Variants in FRMPD4 observed in about 807,000 individuals in gnomAD.
FRMPD4 encodes the protein FERM and PDZ domain containing 4, also known as FERM and PDZ domain-containing protein 4.
FRMPD4 carries 22 observed loss-of-function variants against 94.1 expected under a neutral mutation model. The observed-to-expected ratio is 0.23, with a 90% CI of 0.17 to 0.33. The LOEUF (loss-of-function observed/expected upper bound fraction) is 0.33, where lower values mean the gene tolerates loss of function less well. Among genes scored for constraint, FRMPD4 ranks in the 10% least tolerant of loss-of-function variants. The pLI, the probability that FRMPD4 is intolerant of heterozygous loss-of-function variation, is 1.00. For synonymous variants in FRMPD4, 631 were observed against 548.6 expected (o/e 1.15, Z -2.10); for missense variants, 1,111 against 1,339.9 (o/e 0.83, Z 2.67).
intron 3 of FRMPD4, among the ~76,000 whole-genome samples, chrX:12,020,648 A>G (rs2054627618): frequency 8.9e-6 from 1 of 112,376 alleles, no homozygotes; most frequent in Non-Finnish European, 1.9e-5. Flanking sequence ...TAATTGAGTT[A>G]CATATGTATG....
chrX:12,617,385 T>C (rs5978560), intron 4 of FRMPD4, among the ~76,000 whole-genome samples: 10,639 of 112,011 alleles, frequency 0.095, 649 homozygotes, highest in East Asian at 0.32. Flanking sequence ...ATAACAGAGT[T>C]GAGTAGTTGC....
rs1399525803 is a variant in FRMPD4, at chrX:12,716,433, C to T, written c.1974C>T (p.Phe658=). The change falls in exon 15 of 17, where the codon TTC becomes TTT. Residue 658 remains phenylalanine (F), a synonymous_variant. Transcript: ENST00000675598. ...AAGTGTCCTTTATTTTTGGAGACTT[C>T]GCCTTGGATGATGGTATTAGTCCCC... is the stretch of plus-strand genomic sequence containing the variant. ...GAKVSFIFGD[F]ALDDGISPPT... is the part of the protein sequence containing the mutation. 4.1e-6 allele frequency: 5 copies of T among 1,206,673 alleles called. No individual in the cohort carries two copies. Among genetic ancestry groups the T allele is most frequent in the South Asian group, 3.5e-5 (2 of 56,634 alleles).
chrX:12,299,568 CA>C (rs370259462), intron 1 of FRMPD4, among the ~76,000 whole-genome samples: 11,674 of 86,521 alleles, frequency 0.13, 523 homozygotes, highest in Admixed American at 0.2. Context: ...CTAGAAATGA[CA>C]AAAAAAAAAA....
intron 1 of FRMPD4, among the ~76,000 whole-genome samples, chrX:12,477,046 G>A (rs995191044): frequency 3.4e-4 from 38 of 110,935 alleles, no homozygotes; most frequent in African/African-American, 1.3e-3. Context: ...CAAAGACTTG[G>A]AACCAACCCA....
chrX:12,460,970 T>C (rs1340427976), intron 1 of FRMPD4, among the ~76,000 whole-genome samples: 2 of 112,184 alleles, frequency 1.8e-5, no homozygotes, highest in African/African-American at 3.2e-5. Flanking sequence ...TTTATTTCCA[T>C]TGGGTCCTTC....
At position 11,921,326 on chromosome X, in the gene FRMPD4, G is replaced by A. The variant is rs575785542; in HGVS notation, c.95+43308G>A. Among the ~76,000 whole-genome samples the A allele has an allele frequency of 3.6e-5, 4 of 112,078 alleles. No homozygotes were observed. The South Asian group carries it at 1.5e-3, about 42-fold the overall frequency. ...TCACATGGCCTTTTTCTGTGTACAT[G>A]TGCATTCCTGGTGTCTCTTCCTCTT... On this transcript the variant is annotated intron_variant, in intron 3 of 18. Coordinates refer to the FRMPD4 transcript ENST00000640291.
chrX:12,504,195 G>T (rs2057954350), intron 2 of FRMPD4, among the ~76,000 whole-genome samples: 1 of 112,739 alleles, frequency 8.9e-6, no homozygotes, highest in Non-Finnish European at 1.9e-5. Context: ...GGAAATAAGA[G>T]AAATCTCTTG....
chrX:12,107,686 T>C (rs754342233), intron 3 of FRMPD4, among the ~76,000 whole-genome samples: 1 of 111,480 alleles, frequency 9.0e-6, no homozygotes, highest in Non-Finnish European at 1.9e-5. Flanking sequence ...AAAGAGTAGA[T>C]GAATGGCTAA....
chrX:12,588,023 C>T (rs752972962), intron 2 of FRMPD4, among the ~76,000 whole-genome samples: 15 of 112,188 alleles, frequency 1.3e-4, no homozygotes, highest in East Asian at 2.8e-4. Flanking sequence ...GAGTCTTGCT[C>T]GGTCTCCCAG....
intron 1 of FRMPD4, among the ~76,000 whole-genome samples, chrX:12,373,742 A>G (rs1308930665): frequency 8.9e-6 from 1 of 112,500 alleles, no homozygotes; most frequent in East Asian, 2.8e-4. Context: ...AAAATGATCC[A>G]ATTAAGTACG....
intron 14 of FRMPD4, among the ~76,000 whole-genome samples, chrX:12,711,243 G>A (rs1468780183): frequency 8.9e-6 from 1 of 111,739 alleles, no homozygotes; most frequent in Non-Finnish European, 1.9e-5. Context: ...TGGTGTCCTA[G>A]GCCCGGGTGT....
At chrX:12,623,196 AAG>A (rs1307464323) in intron 4 of FRMPD4, among the ~76,000 whole-genome samples, 1 of 9,699 alleles carries the variant, frequency 1.0e-4, no homozygotes, top group Non-Finnish European at 2.8e-4. Context: ...GAAAGAAAGA[AAG>A]AAAGAAAGGA....
At chrX:12,528,903 A>G (rs1247176490) in intron 2 of FRMPD4, among the ~76,000 whole-genome samples, 1 of 112,524 alleles carries the variant, frequency 8.9e-6, no homozygotes, top group African/African-American at 3.2e-5. Flanking sequence ...ATTCAAGATT[A>G]TCCAGATCTA....
At chrX:11,838,214 A>C (rs1424368507) in intron 1 of FRMPD4, among the ~76,000 whole-genome samples, 1 of 111,416 alleles carries the variant, frequency 9.0e-6, no homozygotes, top group African/African-American at 3.3e-5. Flanking sequence ...AATGTGAATT[A>C]TGCAAATCAA....
At chrX:11,839,966 T>C in intron 1 of FRMPD4, among the ~76,000 whole-genome samples, 1 of 111,860 alleles carries the variant, frequency 8.9e-6, no homozygotes, top group East Asian at 2.8e-4. Context: ...CAATCTCATA[T>C]TCTTTAGATT....
At chrX:12,338,400 C>T (rs2055558731) in intron 1 of FRMPD4, among the ~76,000 whole-genome samples, 1 of 112,048 alleles carries the variant, frequency 8.9e-6, no homozygotes. Context: ...TTCAACCATC[C>T]ATTATTCAGT....
At chrX:11,827,092 T>TA (rs2053448621) in intron 1 of FRMPD4, among the ~76,000 whole-genome samples, 1 of 82,274 alleles carries the variant, frequency 1.2e-5, no homozygotes, top group South Asian at 6.3e-4. Context: ...ATATAAAATA[T>TA]ATATGTTCTG....
intron 3 of FRMPD4, among the ~76,000 whole-genome samples, chrX:12,047,860 C>T (rs1392264680): frequency 1.8e-5 from 2 of 112,429 alleles, no homozygotes; most frequent in African/African-American, 3.2e-5. Flanking sequence ...TATTCCATGA[C>T]GTATACGTAT....
At chrX:12,462,102 T>C (rs893559682) in intron 1 of FRMPD4, among the ~76,000 whole-genome samples, 2 of 111,966 alleles carry the variant, frequency 1.8e-5, no homozygotes, top group African/African-American at 6.5e-5. Flanking sequence ...CTAGGAAGTA[T>C]TCTGTCACTT....
Sources: gnomAD v4.1 joint callset for allele counts (sites outside exome capture counted in the v4.1 genomes callset) on GRCh38, gnomAD v4.1.1 for gene constraint, MANE v1.5 for transcripts, NCBI Gene and HGNC (gene_info 2026-07-23, HGNC 2026-07-21) for gene names.